DYM: variants seen among roughly 807,000 people sequenced by gnomAD.
DYM encodes dyggve-Melchior-Clausen syndrome protein.
A neutral mutation model predicts 93.1 loss-of-function variants in DYM; 78 were observed. The ratio of observed to expected loss-of-function variants is 0.84; its 90% CI spans 0.70 to 1.01. The LOEUF is 1.01. Among genes scored for constraint, DYM ranks in the 50% least tolerant of loss-of-function variants. DYM has a pLI of 0.00. For missense variants in DYM, 789 were observed against 845.0 expected, an observed-to-expected ratio of 0.93 and a Z score of 0.82; for synonymous variants, 321 against 319.7, an observed-to-expected ratio of 1.00 and a Z score of -0.04.
intron 8 of DYM, among the ~76,000 whole-genome samples, chr18:49,295,742 G>T (rs1009982625): frequency 2.6e-5 from 4 of 151,852 alleles, no homozygotes; most frequent in Non-Finnish European, 4.4e-5. Context: ...TAAAATTCCA[G>T]AATATTATTG....
At chr18:49,347,809 G>A (rs1289097874) in intron 6 of DYM, among the ~76,000 whole-genome samples, 2 of 152,230 alleles carry the variant, frequency 1.3e-5, no homozygotes, top group African/African-American at 4.8e-5. Context: ...CTACCATGCT[G>A]AGTGTGGTGG....
At chr18:49,055,123 G>T (rs1376844521) in intron 17 of DYM, among the ~76,000 whole-genome samples, 1 of 152,180 alleles carries the variant, frequency 6.6e-6, no homozygotes, top group Non-Finnish European at 1.5e-5. Flanking sequence ...TGTGGGCAGG[G>T]TTGTGACTTG....
chr18:49,221,763 G>A (rs952479820), intron 13 of DYM, among the ~76,000 whole-genome samples: 2 of 152,052 alleles, frequency 1.3e-5, no homozygotes, highest in African/African-American at 4.8e-5. Flanking sequence ...TTGTGGGGTG[G>A]GGGAAGGAGG....
rs1045985019 is a variant in DYM, at chr18:49,036,954, T to C, written c.*7101A>G. On this transcript the variant is annotated 3_prime_UTR_variant, in exon 18 of 18. Coordinates refer to ENST00000675505, the MANE Select transcript of DYM (RefSeq NM_001353214.3). ...TCTCGCTCTGTTGCCCAGGCTGGAG[T>C]GCAGTGGCACAATCTCTGCCCACTG... Among the ~76,000 whole-genome samples, 1 of 152,152 alleles carries C rather than the reference T, an allele frequency of 6.6e-6. No individual in the cohort carries two copies. The highest frequency in any genetic ancestry group is 1.5e-5 in the Non-Finnish European group (1 of 68,038).
intron 13 of DYM, among the ~76,000 whole-genome samples, chr18:49,235,778 A>AG (rs2093841803): frequency 6.6e-6 from 1 of 151,164 alleles, no homozygotes; most frequent in South Asian, 2.1e-4. Flanking sequence ...TGTGAAAGAA[A>AG]AAAAAAAACT....
chr18:49,242,624 G>A (rs911575720), intron 13 of DYM, among the ~76,000 whole-genome samples: 2 of 152,194 alleles, frequency 1.3e-5, no homozygotes, highest in African/African-American at 4.8e-5. Context: ...GATGAAGGAA[G>A]TTTTGCGTCT....
intron 17 of DYM, among the ~76,000 whole-genome samples, chr18:49,074,382 C>T (rs1016651972): frequency 6.6e-6 from 1 of 152,056 alleles, no homozygotes; most frequent in Non-Finnish European, 1.5e-5. Context: ...TATACAAATA[C>T]ACTATTTTAT....
At position 49,127,951 on chromosome 18, in the gene DYM, C is replaced by A. The variant is rs2082979458; in HGVS notation, c.1729-9025G>T. ...CTGGTCTCATGCGGGGATGTAAAAC[C>A]ATGTGGTCTTTTTCTACACTCCTTG... is the stretch of plus-strand genomic sequence containing the variant. On this transcript the variant is annotated intron_variant, in intron 15 of 17. Transcript: ENST00000675505. Among the ~76,000 whole-genome samples, 3 of 152,296 alleles carry A rather than the reference C, an allele frequency of 2.0e-5. No homozygotes were observed. The South Asian group carries it at 6.2e-4, about 32-fold the overall frequency.
intron 2 of DYM, among the ~76,000 whole-genome samples, chr18:49,416,818 G>C (rs1214858491): frequency 1.3e-5 from 2 of 152,200 alleles, no homozygotes; most frequent in East Asian, 3.9e-4. Context: ...GCCTACAAGG[G>C]ACCCTACTTC....
intron 2 of DYM, chr18:49,413,268 G>A (rs1311120665): frequency 6.6e-6 from 1 of 152,250 alleles, no homozygotes; most frequent in South Asian, 2.1e-4. Context: ...TGTGGCTTTA[G>A]ACAACCTTCC....
At chr18:49,433,032 G>A (rs9967318) in intron 1 of DYM, among the ~76,000 whole-genome samples, 16,986 of 152,166 alleles carry the variant, frequency 0.11, 1,146 homozygotes, top group Middle Eastern at 0.21. Context: ...GCTACAAGAT[G>A]TACTCCTTCC....
At chr18:49,212,512 T>C (rs1167723006) in intron 13 of DYM, among the ~76,000 whole-genome samples, 3 of 152,152 alleles carry the variant, frequency 2.0e-5, no homozygotes, top group Non-Finnish European at 4.4e-5. Context: ...CTAATTTTTT[T>C]TTTTTGAGAC....
At chr18:49,147,031 A>G (rs1441193429) in intron 15 of DYM, among the ~76,000 whole-genome samples, 1 of 152,162 alleles carries the variant, frequency 6.6e-6, no homozygotes, top group Non-Finnish European at 1.5e-5. Context: ...GAGCCCTCAG[A>G]AATAATGCCG....
chr18:49,127,620 C>T (rs1348768686), intron 15 of DYM, among the ~76,000 whole-genome samples: 1 of 152,126 alleles, frequency 6.6e-6, no homozygotes, highest in Admixed American at 6.5e-5. Flanking sequence ...GGAGGAAATG[C>T]ACAAGCAAAG....
Position 49,088,771 on chromosome 18 carries a change from G to A in DYM, c.2025+8631C>T, listed in dbSNP as rs200238556. 2.7e-4 allele frequency among the ~76,000 whole-genome samples: 41 copies of A among 152,246 alleles called. No individual in the cohort carries two copies. In the East Asian group the frequency reaches 4.1e-3, roughly 15 times the overall value. ...GGAAGCAAAAATTTAGGATCTGAAA[G>A]AAGGAATAGCTGAAATTCATGGCTC... is the stretch of plus-strand genomic sequence containing the variant. On this transcript the variant is annotated intron_variant, in intron 17 of 17. Coordinates refer to ENST00000675505, the MANE Select transcript of DYM (RefSeq NM_001353214.3).
intron 15 of DYM, among the ~76,000 whole-genome samples, chr18:49,123,485 T>C (rs781207725): frequency 2.7e-4 from 41 of 152,230 alleles, no homozygotes; most frequent in Non-Finnish European, 3.4e-4. Flanking sequence ...ATTCAGGCTC[T>C]TTATTTCAAT....
At chr18:49,402,568 G>C (rs1181439756) in intron 2 of DYM, among the ~76,000 whole-genome samples, 2 of 152,254 alleles carry the variant, frequency 1.3e-5, no homozygotes, top group African/African-American at 4.8e-5. Flanking sequence ...ACCACTAACT[G>C]TTACTAAATC....
At position 49,097,326 on chromosome 18, in the gene DYM, T is replaced by G. The variant is rs2079633563; in HGVS notation, c.2025+76A>C. The G allele has an allele frequency of 3.8e-6, 5 of 1,310,070 alleles. No homozygotes were observed. In the South Asian group the frequency reaches 4.9e-5, roughly 13 times the overall value. The allele number at this position is 1,310,070 out of a possible 1,614,324, so 81.2% of individuals were successfully genotyped here. A position where few individuals can be genotyped will look rare whatever the true frequency, so the allele number is the denominator to read the frequency against. ...ACTGGATAAGCAGCATGATTCTGGA[T>G]AGGGTCTGCTAAGACACTAACATTT... is the stretch of plus-strand genomic sequence containing the variant. On this transcript the variant is annotated intron_variant, in intron 17 of 17. Coordinates refer to ENST00000675505, the MANE Select transcript of DYM (RefSeq NM_001353214.3).
intron 15 of DYM, among the ~76,000 whole-genome samples, chr18:49,155,626 A>C (rs2086319467): frequency 6.6e-6 from 1 of 152,222 alleles, no homozygotes. Flanking sequence ...TATACATGAG[A>C]TCAAACAATA....
Sources: allele counts gnomAD v4.1 joint callset (sites outside exome capture counted in the v4.1 genomes callset), GRCh38; gene constraint gnomAD v4.1.1; transcripts MANE v1.5; gene names NCBI Gene and HGNC (gene_info 2026-07-23, HGNC 2026-07-21).